PCDH15: variants seen among roughly 807,000 people sequenced by gnomAD.
PCDH15 encodes the protein protocadherin related 15.
PCDH15 carries 129 observed loss-of-function variants against 178.5 expected under a neutral mutation model. The ratio of observed to expected loss-of-function variants is 0.72; its 90% CI spans 0.63 to 0.84. PCDH15 has a LOEUF of 0.84. PCDH15 is among the 40% of genes least tolerant of loss of function. The pLI is 0.00. For missense variants in PCDH15, 2,230 were observed against 2,099.9 expected (o/e 1.06, Z -1.21); for synonymous variants, 800 against 732.0 (o/e 1.09, Z -1.50).
At chr10:54,282,632 T>C (rs1006010286) in intron 8 of PCDH15, among the ~76,000 whole-genome samples, 9 of 152,096 alleles carry the variant, frequency 5.9e-5, no homozygotes, top group Admixed American at 2.0e-4. Context: ...TTTAAACTAA[T>C]AGAGGCTTAG....
At chr10:54,588,576 T>C (rs928453093) in intron 2 of PCDH15, among the ~76,000 whole-genome samples, 5 of 152,046 alleles carry the variant, frequency 3.3e-5, no homozygotes, top group African/African-American at 1.2e-4. Context: ...TACTTTGTGT[T>C]TTGTTGTTAT....
chr10:54,625,529 C>T (rs78363656), intron 2 of PCDH15, among the ~76,000 whole-genome samples: 307 of 152,210 alleles, frequency 2.0e-3, no homozygotes, highest in African/African-American at 7.2e-3. Context: ...CTCCTGAGAT[C>T]TGATGGTTTT....
At chr10:54,525,554 G>A (rs1446284573) in intron 3 of PCDH15, among the ~76,000 whole-genome samples, 2 of 152,172 alleles carry the variant, frequency 1.3e-5, no homozygotes, top group Admixed American at 1.3e-4. Flanking sequence ...GGCCTCCCAG[G>A]TTCAAGTGAT....
chr10:54,559,886 GT>G (rs2087865052), intron 2 of PCDH15, among the ~76,000 whole-genome samples: 2 of 131,996 alleles, frequency 1.5e-5, no homozygotes, highest in Admixed American at 7.8e-5. Flanking sequence ...AAAAGAAAAG[GT>G]GGTTTGCTCC....
intron 2 of PCDH15, among the ~76,000 whole-genome samples, chr10:55,523,115 T>A (rs2132167329): frequency 6.6e-6 from 1 of 151,678 alleles, no homozygotes; most frequent in Non-Finnish European, 1.5e-5. Context: ...GGGTTGATCC[T>A]TTTTTGGGAT....
intron 3 of PCDH15, among the ~76,000 whole-genome samples, chr10:54,501,210 G>A (rs2080650262): frequency 6.6e-6 from 1 of 150,822 alleles, no homozygotes; most frequent in Non-Finnish European, 1.5e-5. Context: ...TTCTGCACAT[G>A]TATCCCAGAA....
At chr10:54,111,639 A>C (rs1000184436) in intron 15 of PCDH15, among the ~76,000 whole-genome samples, 1 of 152,194 alleles carries the variant, frequency 6.6e-6, no homozygotes. Flanking sequence ...GAGAACATGC[A>C]GTATCAGTTG....
At chr10:54,298,482 C>A (rs1757844034) in intron 8 of PCDH15, among the ~76,000 whole-genome samples, 1 of 152,168 alleles carries the variant, frequency 6.6e-6, no homozygotes, top group South Asian at 2.1e-4. Flanking sequence ...AGGCCAATCA[C>A]CCAGTGGGGC....
chr10:55,607,089 A>T (rs1845723328), intron 2 of PCDH15, among the ~76,000 whole-genome samples: 1 of 152,240 alleles, frequency 6.6e-6, no homozygotes, highest in Non-Finnish European at 1.5e-5. Flanking sequence ...TGGGCAAAGG[A>T]TATGAACATA....
intron 14 of PCDH15, among the ~76,000 whole-genome samples, chr10:54,138,254 G>A (rs2043066731): frequency 1.3e-5 from 2 of 152,096 alleles, no homozygotes; most frequent in Non-Finnish European, 2.9e-5. Context: ...TGAGGTGTGT[G>A]TGTGTGTGAG....
chr10:54,029,176 A>C (rs1481398815), intron 18 of PCDH15, among the ~76,000 whole-genome samples: 1 of 152,164 alleles, frequency 6.6e-6, no homozygotes, highest in Non-Finnish European at 1.5e-5. Context: ...GAACATGTAG[A>C]TGTTAAACAA....
chr10:54,587,813 T>A (rs188331203), intron 2 of PCDH15, among the ~76,000 whole-genome samples: 1 of 152,138 alleles, frequency 6.6e-6, no homozygotes, highest in East Asian at 1.9e-4. Flanking sequence ...AGCAAACAAA[T>A]GAAAATAATG....
chr10:54,336,901 C>T (rs181233158), intron 6 of PCDH15, among the ~76,000 whole-genome samples: 2 of 152,248 alleles, frequency 1.3e-5, no homozygotes, highest in Admixed American at 1.3e-4. Flanking sequence ...GTGAAAGCAG[C>T]CAGGAGGGAG....
chr10:55,337,517 G>A (rs1054516597), intron 2 of PCDH15, among the ~76,000 whole-genome samples: 2 of 152,108 alleles, frequency 1.3e-5, no homozygotes, highest in Admixed American at 6.6e-5. Flanking sequence ...GAAAGGAATC[G>A]GATATTAACT....
chr10:54,635,116 T>G (rs1336376122), intron 2 of PCDH15, among the ~76,000 whole-genome samples: 1 of 151,034 alleles, frequency 6.6e-6, no homozygotes, highest in African/African-American at 2.4e-5. Flanking sequence ...TATGCCTACG[T>G]GATATATAGT....
At chr10:53,849,132 T>TA (rs1564605096) in intron 28 of PCDH15, among the ~76,000 whole-genome samples, 1 of 152,024 alleles carries the variant, frequency 6.6e-6, no homozygotes, top group Admixed American at 6.6e-5. Flanking sequence ...ACTAAAAAAG[T>TA]AAAAAAGATA....
intron 2 of PCDH15, among the ~76,000 whole-genome samples, chr10:55,084,976 G>T (rs1287196759): frequency 6.6e-6 from 1 of 151,906 alleles, no homozygotes; most frequent in Non-Finnish European, 1.5e-5. Context: ...CATTGTTGGT[G>T]GGAATGTAAA....
chr10:53,849,476 C>T (rs2078201414), intron 28 of PCDH15, among the ~76,000 whole-genome samples: 1 of 151,896 alleles, frequency 6.6e-6, no homozygotes, highest in East Asian at 1.9e-4. Flanking sequence ...CATACAGGAC[C>T]CTTTACGGAA....
chr10:53,892,741 AT>A (rs1261725444), intron 26 of PCDH15, among the ~76,000 whole-genome samples: 1 of 152,212 alleles, frequency 6.6e-6, no homozygotes, highest in African/African-American at 2.4e-5. Flanking sequence ...GGATTAGACT[AT>A]TTGAAACGGA....
Sources: gnomAD v4.1 joint callset for allele counts (sites outside exome capture counted in the v4.1 genomes callset) on GRCh38, gnomAD v4.1.1 for gene constraint, MANE v1.5 for transcripts, NCBI Gene and HGNC (gene_info 2026-07-23, HGNC 2026-07-21) for gene names.